The following ERC2 variants were observed in gnomAD, a reference collection of about 807,000 sequenced individuals.
The protein encoded by ERC2 is ELKS/RAB6-interacting/CAST family member 2.
In ERC2, 42 loss-of-function variants were observed where a neutral mutation model predicts 114.8. The observed-to-expected ratio is 0.37, with a 90% CI of 0.29 to 0.47. ERC2 has a LOEUF of 0.47. ERC2 is among the 20% of genes least tolerant of loss of function. ERC2 has a pLI of 0.99. For synonymous variants in ERC2, 454 were observed against 425.5 expected, an observed-to-expected ratio of 1.07 and a Z score of -0.82; for missense variants, 939 against 1,150.7, an observed-to-expected ratio of 0.82 and a Z score of 2.66.
chr3:56,285,972 A>G (rs2054671204), intron 3 of ERC2, among the ~76,000 whole-genome samples: 1 of 152,170 alleles, frequency 6.6e-6, no homozygotes, highest in Non-Finnish European at 1.5e-5. Flanking sequence ...ATTCTTAAAG[A>G]AGTCTTTGTT....
intron 2 of ERC2, among the ~76,000 whole-genome samples, chr3:56,379,737 C>T (rs572244835): frequency 6.6e-6 from 1 of 152,162 alleles, no homozygotes; most frequent in African/African-American, 2.4e-5. Flanking sequence ...TATTTGAAAG[C>T]CTGCGACAGA....
chr3:56,172,623 T>A (rs1255444691), intron 4 of ERC2, among the ~76,000 whole-genome samples: 1 of 152,248 alleles, frequency 6.6e-6, no homozygotes, highest in Admixed American at 6.5e-5. Context: ...ATTGCAAACA[T>A]CTTGATTATA....
chr3:56,192,201 T>G (rs1344252445), intron 3 of ERC2, among the ~76,000 whole-genome samples: 1 of 152,046 alleles, frequency 6.6e-6, no homozygotes, highest in Non-Finnish European at 1.5e-5. Flanking sequence ...TCTGGGAGGG[T>G]TGGGCAGAAT....
intron 17 of ERC2, among the ~76,000 whole-genome samples, chr3:55,538,616 G>A (rs1269401564): frequency 1.3e-5 from 2 of 152,300 alleles, no homozygotes; most frequent in East Asian, 3.9e-4. Context: ...CCATGGAAAA[G>A]GGCATTTTTG....
At chr3:55,717,753 A>C (rs1033946898) in intron 15 of ERC2, among the ~76,000 whole-genome samples, 3 of 152,178 alleles carry the variant, frequency 2.0e-5, no homozygotes, top group African/African-American at 7.2e-5. Flanking sequence ...TCTGAGTTTG[A>C]GAATAAATAT....
In ERC2 at chr3:55,509,382, A is replaced by G. The variant is rs909408415; in HGVS notation, c.*1934T>C. ...GAGGACATCCAAACTGTTCACTGGG[A>G]CACATTTGTGGCCTGGGTTTTCAGT... On this transcript the variant is annotated 3_prime_UTR_variant, in exon 18 of 18. Coordinates refer to ENST00000288221, the MANE Select transcript of ERC2 (RefSeq NM_015576.3). 6.6e-6 allele frequency: 1 copy of G among 152,616 alleles called. No individual in the cohort carries two copies. The highest frequency in any genetic ancestry group is 1.5e-5 in the Non-Finnish European group (1 of 68,036). The allele number at this position is 152,616 out of a possible 1,614,324, so 9.5% of individuals were successfully genotyped here. A position where few individuals can be genotyped will look rare whatever the true frequency, so the allele number is the denominator to read the frequency against.
At chr3:55,567,566 G>A (rs2056451433) in intron 17 of ERC2, among the ~76,000 whole-genome samples, 1 of 152,158 alleles carries the variant, frequency 6.6e-6, no homozygotes, top group Admixed American at 6.5e-5. Flanking sequence ...TCAGCTGGGA[G>A]GTGATGGTGG....
At chr3:55,667,348 A>G (rs992323574) in intron 17 of ERC2, among the ~76,000 whole-genome samples, 1 of 152,262 alleles carries the variant, frequency 6.6e-6, no homozygotes, top group Non-Finnish European at 1.5e-5. Flanking sequence ...TGCTAGTTGC[A>G]TAGATAAATG....
chr3:56,330,585 G>GT (rs958153913), intron 2 of ERC2, among the ~76,000 whole-genome samples: 28 of 152,164 alleles, frequency 1.8e-4, no homozygotes, highest in African/African-American at 6.3e-4. Flanking sequence ...CTTAATTACA[G>GT]TCCCCAACTT....
chr3:55,781,202 C>T (rs1440004099), intron 14 of ERC2, among the ~76,000 whole-genome samples: 1 of 152,150 alleles, frequency 6.6e-6, no homozygotes, highest in Non-Finnish European at 1.5e-5. Flanking sequence ...GAAGGGATGT[C>T]CGGGGCCATG....
chr3:55,963,241 A>G (rs2068515322), intron 12 of ERC2, among the ~76,000 whole-genome samples: 1 of 152,246 alleles, frequency 6.6e-6, no homozygotes. Flanking sequence ...TGAAAAAATT[A>G]TAAGGTTCTA....
At chr3:56,123,207 C>T (rs761797282) in intron 6 of ERC2, among the ~76,000 whole-genome samples, 18 of 152,114 alleles carry the variant, frequency 1.2e-4, no homozygotes, top group Non-Finnish European at 2.2e-4. Context: ...GAAATATTAA[C>T]CTCCAAGGTG....
intron 3 of ERC2, among the ~76,000 whole-genome samples, chr3:56,250,803 T>C (rs1029149405): frequency 2.0e-5 from 3 of 152,180 alleles, no homozygotes; most frequent in Non-Finnish European, 4.4e-5. Flanking sequence ...CACACTTAAA[T>C]GGATGTGTGA....
intron 14 of ERC2, among the ~76,000 whole-genome samples, chr3:55,753,508 C>T (rs2066855920): frequency 6.6e-6 from 1 of 152,154 alleles, no homozygotes; most frequent in African/African-American, 2.4e-5. Context: ...AGCTGTGGCC[C>T]CCTGGGACCC....
chr3:56,031,114 G>A (rs1041056281), intron 7 of ERC2, among the ~76,000 whole-genome samples: 5 of 152,122 alleles, frequency 3.3e-5, no homozygotes, highest in African/African-American at 9.7e-5. Flanking sequence ...CTCAAGACCA[G>A]GCACATAGCC....
At chr3:56,445,876 C>T (rs1270850477) in intron 1 of ERC2, among the ~76,000 whole-genome samples, 1 of 152,126 alleles carries the variant, frequency 6.6e-6, no homozygotes, top group Non-Finnish European at 1.5e-5. Context: ...AATCAGGTCT[C>T]TCAGTTACAT....
chr3:56,183,458 C>A lies in ERC2; in HGVS notation c.1075-9938G>T, dbSNP rs1204538309. Among the ~76,000 whole-genome samples, 5 of 152,298 alleles carry A rather than the reference C, an allele frequency of 3.3e-5. No homozygotes were observed. In the East Asian group the frequency reaches 9.6e-4, roughly 29 times the overall value. On this transcript the variant is annotated intron_variant, in intron 3 of 17. Transcript: ENST00000288221. ...AGGTTGGGATAAATATATGGACTGA[C>A]ACACAGCATACAATCATCATTGAAA...
At chr3:56,044,368 A>G (rs1349620166) in intron 7 of ERC2, among the ~76,000 whole-genome samples, 1 of 151,912 alleles carries the variant, frequency 6.6e-6, no homozygotes, top group Admixed American at 6.6e-5. Flanking sequence ...TTATTTATGT[A>G]TAGTCCTTGT....
intron 14 of ERC2, among the ~76,000 whole-genome samples, chr3:55,738,706 T>A (rs1029030857): frequency 6.6e-6 from 1 of 152,196 alleles, no homozygotes; most frequent in Non-Finnish European, 1.5e-5. Flanking sequence ...ACGTCAAAAT[T>A]TGAGATTATA....
Sources: gnomAD v4.1 joint callset for allele counts (sites outside exome capture counted in the v4.1 genomes callset) on GRCh38, gnomAD v4.1.1 for gene constraint, MANE v1.5 for transcripts, NCBI Gene and HGNC (gene_info 2026-07-23, HGNC 2026-07-21) for gene names.